MRPS27: variants seen among roughly 807,000 people sequenced by gnomAD.
MRPS27 encodes mitochondrial ribosomal protein S27.
MRPS27 carries 43 observed loss-of-function variants against 48.9 expected under a neutral mutation model. The observed-to-expected ratio is 0.88, with a 90% CI of 0.69 to 1.13. The LOEUF is 1.13. MRPS27 is among the 50% of genes most tolerant of loss of function. The pLI is 0.00. For missense variants in MRPS27, 467 were observed against 476.3 expected, an observed-to-expected ratio of 0.98 and a Z score of 0.18; for synonymous variants, 188 against 171.9, an observed-to-expected ratio of 1.09 and a Z score of -0.73.
chr5:72,281,811 T>A (rs1261474042), intron 4 of MRPS27, among the ~76,000 whole-genome samples: 1 of 152,220 alleles, frequency 6.6e-6, no homozygotes, highest in Non-Finnish European at 1.5e-5. Context: ...GAACACATAA[T>A]TTCAGTGTTT....
rs184944948 is a variant in MRPS27 at position 72,264,626 on chromosome 5, T to C, written c.282-26498A>G. On this transcript the variant is annotated intron_variant, in intron 4 of 10. Coordinates refer to ENST00000261413, the MANE Select transcript of MRPS27 (RefSeq NM_015084.3). ...TAGAGGAAGAGAAGAGGCACACACA[T>C]GTGCACACAGAGGGAGAGTGCCATG... Among the ~76,000 whole-genome samples, 35 of 152,292 alleles carry C rather than the reference T, an allele frequency of 2.3e-4. 1 individual carries two copies. Among genetic ancestry groups the C allele is most frequent in the African/African-American group, 8.2e-4 (34 of 41,564 alleles).
chr5:72,252,413 T>G (rs1748692276), intron 4 of MRPS27, among the ~76,000 whole-genome samples: 2 of 152,268 alleles, frequency 1.3e-5, no homozygotes, highest in Non-Finnish European at 1.5e-5. Context: ...TTGTGAAAAA[T>G]CTTTAACTGT....
intron 4 of MRPS27, among the ~76,000 whole-genome samples, chr5:72,244,765 T>G (rs1580066547): frequency 6.6e-6 from 1 of 152,250 alleles, no homozygotes; most frequent in African/African-American, 2.4e-5. Flanking sequence ...GTGATCTTCC[T>G]GCCTTGGCCT....
chr5:72,304,876 G>A lies in MRPS27; in HGVS notation c.152-7174C>T, dbSNP rs191886850. Among the ~76,000 whole-genome samples, 228 of 152,248 alleles carry A rather than the reference G, an allele frequency of 1.5e-3. 1 individual carries two copies. The highest frequency in any genetic ancestry group is 2.3e-3 in the Non-Finnish European group (156 of 68,010). On this transcript the variant is annotated intron_variant, in intron 2 of 10. Coordinates refer to ENST00000261413, the MANE Select transcript of MRPS27 (RefSeq NM_015084.3). Reference sequence around the variant, plus strand: ...TTTCAGGCAACACTAAACTCTTTCTGGGCTTATGGTCATCTGCATACCTTA... The same window carrying A: ...TTTCAGGCAACACTAAACTCTTTCTAGGCTTATGGTCATCTGCATACCTTA...
chr5:72,289,566 T>G (rs772394317), intron 4 of MRPS27, among the ~76,000 whole-genome samples: 2 of 152,000 alleles, frequency 1.3e-5, no homozygotes, highest in Non-Finnish European at 2.9e-5. Context: ...GGACTACAGG[T>G]GTGCACCACC....
At chr5:72,226,405 T>C (rs1048848852) in intron 8 of MRPS27, among the ~76,000 whole-genome samples, 1 of 152,232 alleles carries the variant, frequency 6.6e-6, no homozygotes, top group African/African-American at 2.4e-5. Flanking sequence ...TGTATCCATT[T>C]TGTAATGCAA....
At position 72,268,381 on chromosome 5, in the gene MRPS27, A is replaced by T. The variant is rs114209905; in HGVS notation, c.281+27150T>A. On this transcript the variant is annotated intron_variant, in intron 4 of 10. Coordinates refer to ENST00000261413, the MANE Select transcript of MRPS27 (RefSeq NM_015084.3). Reference sequence around the variant, plus strand: ...ATTTATCCTTATTTTTCTCTTTGCTACACAAATGTTTCTGAATAGGAAGTA... The same window carrying T: ...ATTTATCCTTATTTTTCTCTTTGCTTCACAAATGTTTCTGAATAGGAAGTA... Among the ~76,000 whole-genome samples the T allele has an allele frequency of 5.1e-3, 776 of 152,324 alleles. 3 individuals are homozygous for T. Among genetic ancestry groups the T allele is most frequent in the African/African-American group, 0.018 (746 of 41,574 alleles).
intron 4 of MRPS27, among the ~76,000 whole-genome samples, chr5:72,265,699 A>G (rs1455900290): frequency 6.6e-6 from 1 of 152,186 alleles, no homozygotes; most frequent in Admixed American, 6.5e-5. Flanking sequence ...TGTCTCACAG[A>G]GCTATAAACT....
chr5:72,253,221 C>T (rs7710169), intron 4 of MRPS27, among the ~76,000 whole-genome samples: 24,982 of 151,526 alleles, frequency 0.16, 5,280 homozygotes, highest in African/African-American at 0.5. Flanking sequence ...AAGCTTTGCT[C>T]GTTGTCTCCT....
intron 2 of MRPS27, among the ~76,000 whole-genome samples, chr5:72,300,772 C>T (rs1486167378): frequency 6.6e-6 from 1 of 152,106 alleles, no homozygotes; most frequent in Non-Finnish European, 1.5e-5. Context: ...AACTACTGTC[C>T]CCACCCTTAT....
At chr5:72,250,832 C>T (rs576499945) in intron 4 of MRPS27, among the ~76,000 whole-genome samples, 1 of 152,242 alleles carries the variant, frequency 6.6e-6, no homozygotes, top group Non-Finnish European at 1.5e-5. Context: ...GTGGCGAGAT[C>T]ACAGGCATAA....
intron 9 of MRPS27, 131 bp downstream of exon 9, chr5:72,225,926 G>A (rs780850093): frequency 5.8e-6 from 6 of 1,037,608 alleles, no homozygotes; most frequent in Non-Finnish European, 7.8e-6. Context: ...GCATTTTTTC[G>A]ACTTGATAAA....
chr5:72,284,462 C>CTGTG (rs573093903), intron 4 of MRPS27, among the ~76,000 whole-genome samples: 1 of 149,586 alleles, frequency 6.7e-6, no homozygotes, highest in African/African-American at 2.5e-5. Context: ...TAATTTCCTT[C>CTGTG]TGTGTGTGTG....
At chr5:72,314,822 G>C (rs1242612249) in intron 1 of MRPS27, 1 of 152,176 alleles carries the variant, frequency 6.6e-6, no homozygotes, top group South Asian at 2.1e-4. Context: ...GCTGACTGTT[G>C]CTTAACTCAT....
intron 1 of MRPS27, chr5:72,314,801 C>T (rs1343121374): frequency 6.6e-6 from 1 of 152,154 alleles, no homozygotes; most frequent in Non-Finnish European, 1.5e-5. Flanking sequence ...TTCTTAGAAC[C>T]AAAAACACCT....
rs541842373 is a variant in MRPS27 at position 72,258,712 on chromosome 5, T to C, written c.282-20584A>G. ...GAAACAGAGAACTGCCCTCACCAGA[T>C]AGCAAACCTGTGTGTATGCCTTGAT... On this transcript the variant is annotated intron_variant, in intron 4 of 10. Transcript: ENST00000261413. Among the ~76,000 whole-genome samples, 44 of 152,312 alleles carry C rather than the reference T, an allele frequency of 2.9e-4. No homozygotes were observed. In the South Asian group the frequency reaches 8.5e-3, roughly 29 times the overall value.
At chr5:72,292,211 T>G (rs187737036) in intron 4 of MRPS27, among the ~76,000 whole-genome samples, 36 of 149,884 alleles carry the variant, frequency 2.4e-4, no homozygotes, top group Non-Finnish European at 5.9e-5. Context: ...CAGTTTTTTT[T>G]TTTTTTTTTT....
Position 72,291,089 on chromosome 5 carries a change from G to A in MRPS27, c.281+4442C>T, listed in dbSNP as rs565927292. Among the ~76,000 whole-genome samples, 115 of 152,184 alleles carry A rather than the reference G, an allele frequency of 7.6e-4. 3 individuals are homozygous for A. Among genetic ancestry groups the A allele is most frequent in the African/African-American group, 2.6e-3 (108 of 41,522 alleles). ...TCACTCCTCACCACACCTTTTTTCC[G>A]GTGCTGTAGGGAAACTTGGGAGACT... On this transcript the variant is annotated intron_variant, in intron 4 of 10. Transcript: ENST00000261413.
intron 5 of MRPS27, among the ~76,000 whole-genome samples, chr5:72,236,785 C>T (rs990301703): frequency 6.6e-6 from 1 of 152,134 alleles, no homozygotes; most frequent in African/African-American, 2.4e-5. Context: ...TTCTGCCAGC[C>T]CATCTCCACG....
Sources: gnomAD v4.1 joint callset for allele counts (sites outside exome capture counted in the v4.1 genomes callset) on GRCh38, gnomAD v4.1.1 for gene constraint, MANE v1.5 for transcripts, NCBI Gene and HGNC (gene_info 2026-07-23, HGNC 2026-07-21) for gene names.